Variants in PIAS2 observed in about 807,000 individuals in gnomAD.
The protein encoded by PIAS2 is protein inhibitor of activated STAT 2.
Under a neutral mutation model 69.7 loss-of-function variants are expected in PIAS2, and 19 were observed. That is an observed-to-expected ratio of 0.27 (90% CI 0.19 to 0.40). PIAS2 has a LOEUF of 0.40. Ranked by LOEUF, PIAS2 falls within the 10% of genes least tolerant of loss-of-function variation. PIAS2 has a pLI of 1.00. For synonymous variants in PIAS2, 261 were observed against 263.2 expected (o/e 0.99, Z 0.08); for missense variants, 624 against 757.0 (o/e 0.82, Z 2.06).
intron 8 of PIAS2, among the ~76,000 whole-genome samples, chr18:46,837,967 G>A (rs531369169): frequency 3.7e-4 from 56 of 152,316 alleles, no homozygotes; most frequent in Non-Finnish European, 6.9e-4. Context: ...AGAATGAATG[G>A]ACATGGACTG....
intron 8 of PIAS2, among the ~76,000 whole-genome samples, chr18:46,840,627 C>G (rs531753595): frequency 6.6e-6 from 1 of 152,144 alleles, no homozygotes; most frequent in Non-Finnish European, 1.5e-5. Flanking sequence ...TAATTCTACT[C>G]TAGTGGTCTT....
Position 46,812,193 on chromosome 18 carries a change from T to C in PIAS2, c.*240A>G, listed in dbSNP as rs894492408. ...AAGTGAAATCCATCTCTCAGGAAGA[T>C]ACAGTTATGGTTGAATGTATCTGAT... On this transcript the variant is annotated 3_prime_UTR_variant, in exon 14 of 14. Coordinates refer to ENST00000585916, the MANE Select transcript of PIAS2 (RefSeq NM_004671.5). 2.3e-5 allele frequency: 8 copies of C among 354,742 alleles called. No individual in the cohort carries two copies. The highest frequency in any genetic ancestry group is 1.0e-4 in the African/African-American group (5 of 48,562). The allele number at this position is 354,742 out of a possible 1,614,324, so 22.0% of individuals were successfully genotyped here.
intron 1 of PIAS2, among the ~76,000 whole-genome samples, chr18:46,894,864 A>C (rs145670447): frequency 0.011 from 1,680 of 152,032 alleles, 17 homozygotes; most frequent in Non-Finnish European, 0.017. Flanking sequence ...TGAGGTCAGG[A>C]GTTTGAGACC....
intron 8 of PIAS2, among the ~76,000 whole-genome samples, chr18:46,837,341 C>A (rs2044598258): frequency 6.6e-6 from 1 of 151,504 alleles, no homozygotes; most frequent in Admixed American, 6.6e-5. Flanking sequence ...GAACTACATT[C>A]CTCTTATTTT....
At chr18:46,880,327 T>G (rs1453227826) in intron 2 of PIAS2, among the ~76,000 whole-genome samples, 1 of 152,078 alleles carries the variant, frequency 6.6e-6, no homozygotes, top group East Asian at 1.9e-4. Flanking sequence ...TAGGCTGCAG[T>G]GAGCTGTGAT....
chr18:46,910,469 G>T (rs1376919923), intron 1 of PIAS2, among the ~76,000 whole-genome samples: 1 of 151,458 alleles, frequency 6.6e-6, no homozygotes, highest in Non-Finnish European at 1.5e-5. Flanking sequence ...CAAACCCACT[G>T]TTAGAGTCAC....
chr18:46,817,833 C>T, intron 12 of PIAS2: 1 of 958,236 alleles, frequency 1.0e-6, no homozygotes, highest in Non-Finnish European at 1.2e-6. Flanking sequence ...CCATCAAAGT[C>T]TTCTTGCATT....
intron 1 of PIAS2, among the ~76,000 whole-genome samples, chr18:46,902,284 C>T (rs1052871592): frequency 1.3e-5 from 2 of 150,940 alleles, no homozygotes; most frequent in African/African-American, 4.9e-5. Flanking sequence ...AGGCCGGGCA[C>T]GATGGCTCAC....
intron 3 of PIAS2, among the ~76,000 whole-genome samples, chr18:46,862,167 C>T (rs970051333): frequency 1.3e-5 from 2 of 152,138 alleles, no homozygotes; most frequent in African/African-American, 2.4e-5. Flanking sequence ...CCCGTCTCTA[C>T]TAAAAACACA....
intron 12 of PIAS2, chr18:46,816,922 CA>C: frequency 4.3e-6 from 4 of 940,008 alleles, no homozygotes; most frequent in Non-Finnish European, 5.1e-6. Flanking sequence ...ATTTTGTCTT[CA>C]TATTAATAAT....
intron 1 of PIAS2, chr18:46,901,218 G>C: frequency 5.3e-6 from 2 of 376,496 alleles, no homozygotes; most frequent in Non-Finnish European, 1.0e-5. Flanking sequence ...AGGAGTTCGA[G>C]GCCAGCCTGA....
chr18:46,890,782 A>G lies in PIAS2; in HGVS notation c.297T>C (p.Ala99=). 1.2e-6 allele frequency: 2 copies of G among 1,614,236 alleles called. No individual in the cohort carries two copies. The highest frequency in any genetic ancestry group is 2.2e-5 in the South Asian group (2 of 91,086). ...SSPVEPDLAV[A]GIHSLPSTSV... is the part of the protein sequence containing the mutation. ...AAGTGGAAGGCAACGAGTGGATTCC[A>G]GCCACGGCCAAGTCAGGTTCTACAG... The change falls in exon 2 of 14, where the codon GCT becomes GCC. Residue 99 remains alanine (A), a synonymous_variant. Coordinates refer to ENST00000585916, the MANE Select transcript of PIAS2 (RefSeq NM_004671.5).
At chr18:46,860,802 C>T (rs2048539775) in intron 3 of PIAS2, among the ~76,000 whole-genome samples, 1 of 152,198 alleles carries the variant, frequency 6.6e-6, no homozygotes, top group Admixed American at 6.5e-5. Context: ...TACTGTGAGA[C>T]CCCATCTCTA....
At chr18:46,817,425 A>C in intron 12 of PIAS2, 1 of 966,264 alleles carries the variant, frequency 1.0e-6, no homozygotes, top group Non-Finnish European at 1.2e-6. Context: ...TAAAAATTGA[A>C]GCTCTATCAC....
chr18:46,899,915 T>C (rs1367428295), intron 1 of PIAS2, among the ~76,000 whole-genome samples: 1 of 152,064 alleles, frequency 6.6e-6, no homozygotes, highest in Non-Finnish European at 1.5e-5. Context: ...AGGAAAAATA[T>C]AAAAATAAGA....
At chr18:46,855,997 G>GTTTTTTTTTTTTTTTTTTTT (rs1171297653) in intron 3 of PIAS2, among the ~76,000 whole-genome samples, 3 of 67,966 alleles carry the variant, frequency 4.4e-5, no homozygotes, top group Non-Finnish European at 7.9e-5. Flanking sequence ...TTTTTCTTTT[G>GTTTTTTTTTTTTTTTTTTTT]TTTTTTTTTT....
intron 9 of PIAS2, among the ~76,000 whole-genome samples, chr18:46,831,914 C>A (rs1256319065): frequency 6.6e-6 from 1 of 152,110 alleles, no homozygotes; most frequent in East Asian, 1.9e-4. Flanking sequence ...TAAAATAATA[C>A]CAAAAGCACA....
chr18:46,836,740 A>G (rs1187651173), intron 8 of PIAS2, among the ~76,000 whole-genome samples: 1 of 152,194 alleles, frequency 6.6e-6, no homozygotes, highest in Non-Finnish European at 1.5e-5. Flanking sequence ...ACGGGTTAAC[A>G]TGTAAATCCA....
intron 5 of PIAS2, among the ~76,000 whole-genome samples, chr18:46,850,864 G>C (rs2046865417): frequency 6.6e-6 from 1 of 152,184 alleles, no homozygotes; most frequent in Non-Finnish European, 1.5e-5. Context: ...ATCAACAGCT[G>C]GTCACCTTGA....
Sources: gnomAD v4.1 joint callset for allele counts (sites outside exome capture counted in the v4.1 genomes callset) on GRCh38, gnomAD v4.1.1 for gene constraint, MANE v1.5 for transcripts, NCBI Gene and HGNC (gene_info 2026-07-23, HGNC 2026-07-21) for gene names.